Variants in FCHO2 observed in about 807,000 individuals in gnomAD.
FCHO2 encodes F-BAR domain only protein 2.
In FCHO2, 43 loss-of-function variants were observed where a neutral mutation model predicts 114.1. The observed-to-expected ratio is 0.38, with a 90% CI of 0.30 to 0.49. The LOEUF (loss-of-function observed/expected upper bound fraction) is 0.49, where lower values mean the gene tolerates loss of function less well. FCHO2 is among the 20% of genes least tolerant of loss of function. The pLI is 0.97. For synonymous variants in FCHO2, 293 were observed against 315.2 expected (o/e 0.93, Z 0.75); for missense variants, 807 against 950.4 (o/e 0.85, Z 1.98).
intron 5 of FCHO2, among the ~76,000 whole-genome samples, chr5:72,998,532 G>A (rs1754253664): frequency 6.6e-6 from 1 of 151,834 alleles, no homozygotes; most frequent in Non-Finnish European, 1.5e-5. Context: ...TTTACTCTTG[G>A]TAGATACTAT....
intron 2 of FCHO2, among the ~76,000 whole-genome samples, chr5:72,981,087 G>C (rs932644531): frequency 4.6e-5 from 7 of 152,106 alleles, no homozygotes; most frequent in Non-Finnish European, 7.4e-5. Context: ...GGTGTTGGTT[G>C]TTTCTTTCCA....
At chr5:72,970,351 C>T (rs1040901437) in intron 2 of FCHO2, among the ~76,000 whole-genome samples, 1 of 152,174 alleles carries the variant, frequency 6.6e-6, no homozygotes, top group Admixed American at 6.5e-5. Flanking sequence ...ACATGAATTA[C>T]AGGCTGCTCC....
intron 15 of FCHO2, chr5:73,055,221 A>G (rs1757535789): frequency 4.7e-6 from 1 of 211,882 alleles, no homozygotes; most frequent in Non-Finnish European, 1.0e-5. Flanking sequence ...GTGTGAGGAA[A>G]ATGAGGATAA....
intron 8 of FCHO2, among the ~76,000 whole-genome samples, chr5:73,032,946 GT>G (rs982382597): frequency 6.6e-6 from 1 of 152,094 alleles, no homozygotes; most frequent in Non-Finnish European, 1.5e-5. Context: ...GTAGAGATTT[GT>G]TATTCATAAT....
intron 2 of FCHO2, among the ~76,000 whole-genome samples, chr5:72,976,081 A>G (rs1363505884): frequency 1.3e-5 from 2 of 152,164 alleles, no homozygotes; most frequent in African/African-American, 4.8e-5. Context: ...ACCATTTTGC[A>G]TTTTAACTAG....
chr5:73,066,147 TTAAAA>T (rs1561489672), intron 18 of FCHO2, among the ~76,000 whole-genome samples: 1 of 152,032 alleles, frequency 6.6e-6, no homozygotes, highest in Non-Finnish European at 1.5e-5. Context: ...TATTAATATA[TTAAAA>T]TAAAGTGGGA....
At chr5:73,070,843 T>G (rs79383806) in intron 19 of FCHO2, among the ~76,000 whole-genome samples, 2 of 152,154 alleles carry the variant, frequency 1.3e-5, no homozygotes, top group Non-Finnish European at 2.9e-5. Flanking sequence ...TCTCCTTGTT[T>G]CTTGAAAATA....
chr5:73,081,730 G>T, intron 22 of FCHO2, 53 bp from the exon 23 acceptor site: 1 of 1,333,252 alleles, frequency 7.5e-7, no homozygotes, highest in South Asian at 1.9e-5. Context: ...TCATTAACAT[G>T]ACTTCTTAAC....
At chr5:73,046,323 C>T (rs571918591) in intron 11 of FCHO2, among the ~76,000 whole-genome samples, 5 of 152,006 alleles carry the variant, frequency 3.3e-5, no homozygotes, top group Non-Finnish European at 5.9e-5. Flanking sequence ...TGTTTGACCC[C>T]CCCAAAATGC....
chr5:72,990,731 G>A lies in FCHO2; in HGVS notation c.362G>A (p.Gly121Glu). ...AAACAGACTAAAGAAGAAGTTGCAG[G>A]AACTCTGGAAGCTGTCCAAACCATT... ...SHKKTKEEVAGTLEAVQTIQS... is the reference protein window; with the variant it reads ...SHKKTKEEVAETLEAVQTIQS... The change falls in exon 5 of 26, where the codon GGA becomes GAA. Residue 121 changes from glycine to glutamate, a missense_variant. Coordinates refer to ENST00000430046, the MANE Select transcript of FCHO2 (RefSeq NM_138782.3). The A allele has an allele frequency of 1.9e-6, 3 of 1,555,404 alleles. No individual in the cohort carries two copies. The highest frequency in any genetic ancestry group is 2.6e-6 in the Non-Finnish European group (3 of 1,150,276).
At position 73,088,300 on chromosome 5, in the gene FCHO2, A is replaced by G; in HGVS notation, c.*210A>G. 1 of 574,914 alleles carries G rather than the reference A, an allele frequency of 1.7e-6. No homozygotes were observed. Among genetic ancestry groups the G allele is most frequent in the Non-Finnish European group, 3.0e-6 (1 of 330,872 alleles). The allele number at this position is 574,914 out of a possible 1,614,324, so 35.6% of individuals were successfully genotyped here. On this transcript the variant is annotated 3_prime_UTR_variant, in exon 26 of 26. Transcript: ENST00000430046. ...CTCTATGTTGTAAATGATCAACTAC[A>G]ATATTCAGGAAGCACATTTATTCAG...
intron 11 of FCHO2, among the ~76,000 whole-genome samples, chr5:73,043,434 AGTGTGTATAT>A (rs1181304730): frequency 5.3e-5 from 8 of 152,112 alleles, no homozygotes; most frequent in African/African-American, 1.9e-4. Flanking sequence ...ACATTGTATT[AGTGTGTATAT>A]GTGTGTGTAT....
At chr5:73,050,294 CTATT>C (rs3054232) in intron 11 of FCHO2, among the ~76,000 whole-genome samples, 2,929 of 123,546 alleles carry the variant, frequency 0.024, 65 homozygotes, top group African/African-American at 0.061. Flanking sequence ...TAGCTTTCTG[CTATT>C]TATTTATTTA....
chr5:73,078,304 A>C lies in FCHO2; in HGVS notation c.1972A>C (p.Lys658Gln). 6.3e-7 allele frequency: 1 copy of C among 1,599,348 alleles called. No homozygotes were observed. The highest frequency in any genetic ancestry group is 8.5e-7 in the Non-Finnish European group (1 of 1,174,202). The change falls in exon 22 of 26, where the codon AAG becomes CAG. Residue 658 changes from lysine to glutamine, a missense_variant. Coordinates refer to ENST00000430046, the MANE Select transcript of FCHO2 (RefSeq NM_138782.3). Reference sequence around the variant, plus strand: ...TTCTTATTATAATGTAGATGTATTAAAGTATCAGGTGAGTGTCACGACATT... The same window carrying C: ...TTCTTATTATAATGTAGATGTATTACAGTATCAGGTGAGTGTCACGACATT... ...AASYYNVDVL[K>Q]YQVSSNGIQS...
intron 1 of FCHO2, among the ~76,000 whole-genome samples, chr5:72,958,861 C>T (rs1368993373): frequency 6.6e-6 from 1 of 152,188 alleles, no homozygotes; most frequent in Non-Finnish European, 1.5e-5. Flanking sequence ...TGCATCTTCA[C>T]ATTAAAAGTT....
At position 73,015,674 on chromosome 5, in the gene FCHO2, A is replaced by G; in HGVS notation, c.649A>G (p.Ile217Val). 6.3e-7 allele frequency: 1 copy of G among 1,582,856 alleles called. No individual in the cohort carries two copies. Among genetic ancestry groups the G allele is most frequent in the Non-Finnish European group, 8.5e-7 (1 of 1,170,080 alleles). The change falls in exon 7 of 26, where the codon ATA becomes GTA. Residue 217 changes from isoleucine (I) to valine (V), a missense_variant. Transcript: ENST00000430046. ...TCATCTCATTCACATAAAGGAAATT[A>G]TAGGATCCTTGTCAAATGCTATAAA... ...ETHLIHIKEI[I>V]GSLSNAIKEI...
intron 19 of FCHO2, among the ~76,000 whole-genome samples, chr5:73,071,420 G>C (rs1265702045): frequency 1.3e-5 from 2 of 152,022 alleles, no homozygotes; most frequent in Non-Finnish European, 2.9e-5. Context: ...GGAGATAGTA[G>C]GGAGTGGGTG....
intron 8 of FCHO2, among the ~76,000 whole-genome samples, chr5:73,023,751 A>C (rs1755764944): frequency 6.6e-6 from 1 of 152,152 alleles, no homozygotes; most frequent in Non-Finnish European, 1.5e-5. Flanking sequence ...AACACACAGA[A>C]ATATGTTGGA....
intron 1 of FCHO2, among the ~76,000 whole-genome samples, chr5:72,966,467 A>G (rs986126353): frequency 6.6e-6 from 1 of 152,152 alleles, no homozygotes; most frequent in Admixed American, 6.6e-5. Context: ...AAAATCTTAA[A>G]CATGTAAAGT....
Sources: allele counts gnomAD v4.1 joint callset (sites outside exome capture counted in the v4.1 genomes callset), GRCh38; gene constraint gnomAD v4.1.1; transcripts MANE v1.5; gene names NCBI Gene and HGNC (gene_info 2026-07-23, HGNC 2026-07-21).